BCAS3: variants seen among roughly 807,000 people sequenced by gnomAD.
BCAS3 encodes the protein BCAS3 microtubule associated cell migration factor, also known as BCAS4/BCAS3 fusion.
In BCAS3, 53 loss-of-function variants were observed where a neutral mutation model predicts 116.1. That is an observed-to-expected ratio of 0.46 (90% CI 0.37 to 0.57). The LOEUF is 0.57. Ranked by LOEUF, BCAS3 falls within the 20% of genes least tolerant of loss-of-function variation. The probability of loss-of-function intolerance (pLI) is 0.00; values close to 1 mark genes in which losing one functional copy is unlikely to be tolerated. For synonymous variants in BCAS3, 391 were observed against 408.2 expected (o/e 0.96, Z 0.51); for missense variants, 917 against 1,165.4 (o/e 0.79, Z 3.10).
intron 13 of BCAS3, among the ~76,000 whole-genome samples, chr17:60,936,189 C>G (rs2059916026): frequency 1.3e-5 from 2 of 151,572 alleles, no homozygotes; most frequent in Non-Finnish European, 2.9e-5. Flanking sequence ...GACATGAACT[C>G]ATCCTTTTTT....
At position 61,381,192 on chromosome 17, in the gene BCAS3, A is replaced by G. The variant is rs2059587217; in HGVS notation, c.2594-10785A>G. ...GACAGAACAAATGCACTTCCACCCG[A>G]CAGGCAAATCGATATCTTAATACAC... On this transcript the variant is annotated intron_variant, in intron 23 of 23. Transcript: ENST00000407086. This position sits in a 1 kb window ranked among gnomAD's most constrained non-coding sequence, Gnocchi z 6.0. Among the ~76,000 whole-genome samples, 1 of 152,204 alleles carries G rather than the reference A, an allele frequency of 6.6e-6. No homozygotes were observed. Among genetic ancestry groups the G allele is most frequent in the Non-Finnish European group, 1.5e-5 (1 of 68,040 alleles).
intron 6 of BCAS3, among the ~76,000 whole-genome samples, chr17:60,784,460 G>A (rs1033389352): frequency 3.1e-5 from 4 of 130,166 alleles, no homozygotes; most frequent in Admixed American, 1.4e-4. Context: ...CACCATGCCC[G>A]GATAATTTTT....
chr17:61,108,145 AC>A (rs1185274498), intron 22 of BCAS3, among the ~76,000 whole-genome samples: 2 of 151,320 alleles, frequency 1.3e-5, no homozygotes, highest in Non-Finnish European at 3.0e-5. Flanking sequence ...TCTTTGTGTA[AC>A]TTTTTATCAT....
chr17:60,868,364 A>T (rs538325247), intron 7 of BCAS3, among the ~76,000 whole-genome samples: 2 of 152,084 alleles, frequency 1.3e-5, no homozygotes, highest in South Asian at 4.2e-4. Context: ...TAATTTGGTG[A>T]GTGATATTTT....
chr17:61,298,367 C>T (rs950324642), intron 22 of BCAS3, among the ~76,000 whole-genome samples: 10 of 152,064 alleles, frequency 6.6e-5, no homozygotes, highest in Non-Finnish European at 1.3e-4. Flanking sequence ...CCCCCCAGGC[C>T]CCTCCCCACC....
At chr17:60,857,735 A>C (rs1335781165) in intron 7 of BCAS3, among the ~76,000 whole-genome samples, 1 of 152,200 alleles carries the variant, frequency 6.6e-6, no homozygotes, top group Admixed American at 6.5e-5. Context: ...CAACTGTGTT[A>C]TTGGCAGGAA....
chr17:61,169,813 C>A (rs971207739), intron 22 of BCAS3, among the ~76,000 whole-genome samples: 2 of 152,050 alleles, frequency 1.3e-5, no homozygotes, highest in African/African-American at 4.8e-5. Context: ...GATTTTGATC[C>A]AATTTCTGTG....
intron 22 of BCAS3, among the ~76,000 whole-genome samples, chr17:61,135,519 A>T (rs1319189816): frequency 6.6e-6 from 1 of 152,218 alleles, no homozygotes; most frequent in Non-Finnish European, 1.5e-5. Context: ...ACTTCCAAAG[A>T]TCTGTAGGAA....
Position 60,956,851 on chromosome 17 carries a change from G to T in BCAS3, c.1221+9499G>T, listed in dbSNP as rs893861302. 6.6e-6 allele frequency among the ~76,000 whole-genome samples: 1 copy of T among 152,112 alleles called. No individual in the cohort carries two copies. The highest frequency in any genetic ancestry group is 1.5e-5 in the Non-Finnish European group (1 of 68,018). On this transcript the variant is annotated intron_variant, in intron 14 of 23. Transcript: ENST00000407086. The surrounding 1 kb of genome is among the most constrained non-coding windows in gnomAD (Gnocchi z 4.2). Reference sequence around the variant, plus strand: ...AACTGATATATAAAATTTAACACCAGTCGTGAAATCTATATGTCACATGAT... The same window carrying T: ...AACTGATATATAAAATTTAACACCATTCGTGAAATCTATATGTCACATGAT...
intron 7 of BCAS3, among the ~76,000 whole-genome samples, chr17:60,833,570 A>G (rs2051122465): frequency 6.6e-6 from 1 of 152,202 alleles, no homozygotes; most frequent in Non-Finnish European, 1.5e-5. Flanking sequence ...TTTGCATTGC[A>G]TCTGTGACCA....
At chr17:61,194,207 T>G (rs566917174) in intron 22 of BCAS3, among the ~76,000 whole-genome samples, 2 of 152,292 alleles carry the variant, frequency 1.3e-5, no homozygotes, top group Admixed American at 1.3e-4. Context: ...TGGTGTCAAA[T>G]TTTAAGTCAG....
chr17:61,206,891 T>C (rs2081174249), intron 22 of BCAS3, among the ~76,000 whole-genome samples: 1 of 151,232 alleles, frequency 6.6e-6, no homozygotes, highest in South Asian at 2.1e-4. Flanking sequence ...CAAGTTGTTT[T>C]GTATGGTTTG....
chr17:61,086,842 T>C (rs2073132269), intron 22 of BCAS3: 9 of 985,436 alleles, frequency 9.1e-6, no homozygotes, highest in Non-Finnish European at 9.6e-6. Context: ...TCTCTTCAGC[T>C]ACCTCTCAAT....
At position 61,322,794 on chromosome 17, in the gene BCAS3, C is replaced by CAGAGAGAGAGAGAG. The variant is rs35581770; in HGVS notation, c.2426-45511_2426-45498dup. 9.0e-5 allele frequency among the ~76,000 whole-genome samples: 9 copies of CAGAGAGAGAGAGAG among 99,634 alleles called. 2 individuals are homozygous for CAGAGAGAGAGAGAG. The highest frequency in any genetic ancestry group is 3.7e-4 in the African/African-American group (9 of 24,074). 65.4% of individuals were successfully genotyped at this position (99,634 alleles called of 152,430 possible). A position where few individuals can be genotyped will look rare whatever the true frequency, so the allele number is the denominator to read the frequency against. On this transcript the variant is annotated intron_variant, in intron 22 of 23. Transcript: ENST00000407086. ...TTAAGCCTCTCTTGAGAGAGAGAGA[C>CAGAGAGAGAGAGAG]AGAGAGAGAGAGAGAGAGAGAGAGA...
chr17:61,290,979 A>G (rs1288033191), intron 22 of BCAS3, among the ~76,000 whole-genome samples: 1 of 152,002 alleles, frequency 6.6e-6, no homozygotes, highest in Admixed American at 6.6e-5. Flanking sequence ...ACGGGGTTTC[A>G]CCATGTTAGC....
Position 61,204,812 on chromosome 17 carries a change from G to A in BCAS3, c.2425+120248G>A, listed in dbSNP as rs2081033983. Among the ~76,000 whole-genome samples, 1 of 152,144 alleles carries A rather than the reference G, an allele frequency of 6.6e-6. No individual in the cohort carries two copies. The highest frequency in any genetic ancestry group is 1.5e-5 in the Non-Finnish European group (1 of 68,040). ...CATGTCTGTAATCCAAGCACTTTAG[G>A]AGGCTGAGGCACGCAGATCAGTTGA... is the stretch of plus-strand genomic sequence containing the variant. On this transcript the variant is annotated intron_variant, in intron 22 of 23. Coordinates refer to ENST00000407086, the MANE Select transcript of BCAS3 (RefSeq NM_017679.5). The surrounding 1 kb of genome is among the most constrained non-coding windows in gnomAD (Gnocchi z 4.2).
At chr17:60,925,604 T>A (rs1304049921) in intron 13 of BCAS3, among the ~76,000 whole-genome samples, 1 of 152,192 alleles carries the variant, frequency 6.6e-6, no homozygotes, top group Non-Finnish European at 1.5e-5. Context: ...TCTGTCCTGG[T>A]CTCTGCATTT....
intron 22 of BCAS3, among the ~76,000 whole-genome samples, chr17:61,146,255 A>G (rs1452183526): frequency 1.3e-5 from 2 of 151,296 alleles, no homozygotes; most frequent in Non-Finnish European, 2.9e-5. Context: ...TACAGGTGTA[A>G]GCCACTACAC....
intron 11 of BCAS3, among the ~76,000 whole-genome samples, chr17:60,908,438 A>G (rs754361289): frequency 1.3e-5 from 2 of 152,166 alleles, no homozygotes; most frequent in African/African-American, 2.4e-5. Context: ...CATTCCTTTG[A>G]TAAAGGGATA....
Sources: gnomAD v4.1 joint callset for allele counts (sites outside exome capture counted in the v4.1 genomes callset) on GRCh38, gnomAD v4.1.1 for gene constraint, Gnocchi (gnomAD v3.1) non-coding constraint, MANE v1.5 for transcripts, NCBI Gene and HGNC (gene_info 2026-07-23, HGNC 2026-07-21) for gene names.